Variants in COL14A1 observed in about 807,000 individuals in gnomAD.
The protein encoded by COL14A1 is collagen alpha-1(XIV) chain.
In COL14A1, 136 loss-of-function variants were observed where a neutral mutation model predicts 230.3. The ratio of observed to expected loss-of-function variants is 0.59; its 90% CI spans 0.51 to 0.68. The LOEUF is 0.68. Ranked by LOEUF, COL14A1 falls within the 30% of genes least tolerant of loss-of-function variation. COL14A1 has a pLI of 0.00. For missense variants in COL14A1, 1,976 were observed against 2,215.8 expected (o/e 0.89, Z 2.17); for synonymous variants, 792 against 784.1 (o/e 1.01, Z -0.17).
At chr8:120,327,235 G>T (rs552070226) in intron 40 of COL14A1, among the ~76,000 whole-genome samples, 1 of 152,210 alleles carries the variant, frequency 6.6e-6, no homozygotes, top group Non-Finnish European at 1.5e-5. Context: ...AGCTGCTATG[G>T]TGCTGACTGC....
At chr8:120,233,450 T>C (rs1248054963) in intron 19 of COL14A1, among the ~76,000 whole-genome samples, 2 of 124,422 alleles carry the variant, frequency 1.6e-5, no homozygotes, top group African/African-American at 7.1e-5. Context: ...AAACATGCGG[T>C]GTTTGGTTGC....
chr8:120,194,741 A>G (rs1191573818), intron 5 of COL14A1, among the ~76,000 whole-genome samples: 1 of 152,196 alleles, frequency 6.6e-6, no homozygotes, highest in African/African-American at 2.4e-5. Context: ...TTATAAGTGA[A>G]ATAATATCCC....
At chr8:120,158,086 T>G in intron 2 of COL14A1, 44 bp from the exon 3 acceptor site, 1 of 1,081,366 alleles carries the variant, frequency 9.2e-7, no homozygotes, top group Non-Finnish European at 1.4e-6. Flanking sequence ...AAATAGAAGC[T>G]TAAATGTTAC....
chr8:120,265,480 A>G (rs1407599369), intron 24 of COL14A1, among the ~76,000 whole-genome samples: 5 of 152,078 alleles, frequency 3.3e-5, no homozygotes, highest in Admixed American at 3.3e-4. Context: ...TAACAGTGAT[A>G]TATATCCATA....
intron 40 of COL14A1, among the ~76,000 whole-genome samples, chr8:120,327,360 C>A (rs867190202): frequency 2.6e-5 from 4 of 152,268 alleles, no homozygotes; most frequent in South Asian, 4.2e-4. Context: ...TCAACTCTGA[C>A]GTGTAATTCA....
intron 26 of COL14A1, among the ~76,000 whole-genome samples, chr8:120,274,577 T>C (rs1053115599): frequency 2.6e-5 from 4 of 151,640 alleles, no homozygotes; most frequent in African/African-American, 9.7e-5. Context: ...CCTAGAGAAC[T>C]TAAAGACTTC....
intron 19 of COL14A1, among the ~76,000 whole-genome samples, chr8:120,233,803 T>C (rs1241563942): frequency 6.6e-6 from 1 of 152,230 alleles, no homozygotes; most frequent in Non-Finnish European, 1.5e-5. Flanking sequence ...CTATATGGAC[T>C]CTTTTTTGGT....
intron 5 of COL14A1, among the ~76,000 whole-genome samples, chr8:120,185,316 G>A (rs1227832296): frequency 2.0e-5 from 3 of 152,162 alleles, no homozygotes; most frequent in Non-Finnish European, 4.4e-5. Context: ...TAGTGATAGT[G>A]TGATATGTTG....
chr8:120,225,109 A>G lies in COL14A1; in HGVS notation c.1759A>G (p.Thr587Ala). 6.2e-7 allele frequency: 1 copy of G among 1,612,010 alleles called. No homozygotes were observed. The highest frequency in any genetic ancestry group is 8.5e-7 in the Non-Finnish European group (1 of 1,179,440). Residue 587 changes from threonine to alanine, a missense_variant, in exon 15 of 48, where the codon ACC (threonine) becomes GCC (alanine). Coordinates refer to ENST00000297848, the MANE Select transcript of COL14A1 (RefSeq NM_021110.4). ...ACAGGTTGAAGTCGATCCTATTACT[A>G]CCTTCCCTCTGAAGGGCTTGACACC... ...INEVEVDPIT[T>A]FPLKGLTPLT... is the part of the protein sequence containing the mutation.
At chr8:120,195,864 A>G (rs1817019478) in intron 5 of COL14A1, among the ~76,000 whole-genome samples, 2 of 152,180 alleles carry the variant, frequency 1.3e-5, no homozygotes, top group African/African-American at 4.8e-5. Context: ...ACCAAACCAT[A>G]TCGACATTGT....
intron 45 of COL14A1, among the ~76,000 whole-genome samples, chr8:120,361,828 G>C (rs1465915282): frequency 1.3e-5 from 2 of 152,136 alleles, no homozygotes; most frequent in African/African-American, 4.8e-5. Context: ...CCATAAAAAT[G>C]AATAAAATCT....
intron 13 of COL14A1, among the ~76,000 whole-genome samples, chr8:120,216,036 G>T (rs1310007766): frequency 6.6e-6 from 1 of 152,166 alleles, no homozygotes; most frequent in Admixed American, 6.5e-5. Flanking sequence ...AAGTTACTTT[G>T]TTTTTAATCC....
chr8:120,254,052 CAGTGTAAATGTAT>C (rs1819060695), intron 22 of COL14A1, among the ~76,000 whole-genome samples: 1 of 152,104 alleles, frequency 6.6e-6, no homozygotes, highest in African/African-American at 2.4e-5. Context: ...CAGAAAGGAA[CAGTGTAAATGTAT>C]AAATTATAGT....
chr8:120,231,710 T>C, intron 19 of COL14A1, 92 bp downstream of exon 19: 1 of 1,319,564 alleles, frequency 7.6e-7, no homozygotes, highest in Non-Finnish European at 1.0e-6. Flanking sequence ...ACTTTACTGC[T>C]CTTTTCTCAG....
intron 23 of COL14A1, among the ~76,000 whole-genome samples, chr8:120,257,802 T>C (rs1819204356): frequency 6.6e-6 from 1 of 152,210 alleles, no homozygotes; most frequent in African/African-American, 2.4e-5. Flanking sequence ...CCAGTTGACC[T>C]CTTTCTGAAT....
intron 2 of COL14A1, among the ~76,000 whole-genome samples, chr8:120,156,954 G>T (rs1244943314): frequency 1.3e-5 from 2 of 152,188 alleles, no homozygotes; most frequent in African/African-American, 4.8e-5. Context: ...ATGAGAAAGA[G>T]AGACTGGGCT....
intron 13 of COL14A1, among the ~76,000 whole-genome samples, chr8:120,214,688 C>G (rs530555200): frequency 6.6e-6 from 1 of 152,066 alleles, no homozygotes; most frequent in South Asian, 2.1e-4. Context: ...GGGGATAGAT[C>G]TGGGAACAAA....
At position 120,270,081 on chromosome 8, in the gene COL14A1, C is replaced by G. The variant is rs948275186; in HGVS notation, c.3120C>G (p.Ser1040=). The change falls in exon 26 of 48, where the codon TCC becomes TCG. Residue 1040 remains serine (S), a synonymous_variant. Transcript: ENST00000297848. ...KADLVFMVDG[S]WSIGDENFNK... ...ACCTGGTATTTATGGTGGATGGATC[C>G]TGGAGCATTGGAGATGAAAATTTCA... is the stretch of plus-strand genomic sequence containing the variant. 3.1e-5 allele frequency: 50 copies of G among 1,611,540 alleles called. No homozygotes were observed. The highest frequency in any genetic ancestry group is 3.9e-5 in the Non-Finnish European group (46 of 1,178,388).
At chr8:120,217,886 G>A (rs558078338) in intron 14 of COL14A1, among the ~76,000 whole-genome samples, 2 of 150,088 alleles carry the variant, frequency 1.3e-5, no homozygotes, top group African/African-American at 4.9e-5. Context: ...ATCTGTAGAA[G>A]CAGACACACC....
Sources: allele counts gnomAD v4.1 joint callset (sites outside exome capture counted in the v4.1 genomes callset), GRCh38; gene constraint gnomAD v4.1.1; transcripts MANE v1.5; gene names NCBI Gene and HGNC (gene_info 2026-07-23, HGNC 2026-07-21).